REV3L: variants seen among roughly 807,000 people sequenced by gnomAD.
The protein encoded by REV3L is DNA polymerase zeta catalytic subunit.
In REV3L, 69 loss-of-function variants were observed where a neutral mutation model predicts 299.4. The ratio of observed to expected loss-of-function variants is 0.23; its 90% CI spans 0.19 to 0.28. The LOEUF is 0.28. Among genes scored for constraint, REV3L ranks in the 10% least tolerant of loss-of-function variants. The pLI is 1.00. For missense variants in REV3L, 3,128 were observed against 3,693.8 expected (o/e 0.85, Z 3.97); for synonymous variants, 1,238 against 1,271.4 (o/e 0.97, Z 0.56).
chr6:111,362,798 C>T (rs1481920953), intron 16 of REV3L, among the ~76,000 whole-genome samples: 1 of 152,086 alleles, frequency 6.6e-6, no homozygotes, highest in Non-Finnish European at 1.5e-5. Context: ...AATAGTATTA[C>T]ATACCTAAGT....
chr6:111,455,677 A>G (rs896020264), intron 1 of REV3L, among the ~76,000 whole-genome samples: 10 of 152,240 alleles, frequency 6.6e-5, no homozygotes, highest in Non-Finnish European at 1.3e-4. Flanking sequence ...GAAAGTCCAC[A>G]AACTACATGT....
chr6:111,451,736 C>T (rs1259947105), intron 1 of REV3L, among the ~76,000 whole-genome samples: 1 of 151,814 alleles, frequency 6.6e-6, no homozygotes, highest in African/African-American at 2.4e-5. Flanking sequence ...AGAAATCAAA[C>T]CACAATCTGG....
chr6:111,325,188 T>C (rs1162473293), intron 25 of REV3L, among the ~76,000 whole-genome samples: 1 of 152,190 alleles, frequency 6.6e-6, no homozygotes, highest in Non-Finnish European at 1.5e-5. Context: ...AACAAATGTT[T>C]TAAGTAAAAA....
intron 1 of REV3L, among the ~76,000 whole-genome samples, chr6:111,470,629 A>AG (rs762826603): frequency 6.6e-6 from 1 of 152,218 alleles, no homozygotes; most frequent in Non-Finnish European, 1.5e-5. Flanking sequence ...TTATCAACTA[A>AG]GGTGTGAGAC....
chr6:111,472,003 A>C (rs1792278244), intron 1 of REV3L: 8 of 1,197,954 alleles, frequency 6.7e-6, no homozygotes, highest in Non-Finnish European at 8.5e-6. Context: ...AACCAAAATA[A>C]ATTACTTACT....
At chr6:111,479,180 C>T (rs1793308159) in intron 1 of REV3L, among the ~76,000 whole-genome samples, 1 of 152,188 alleles carries the variant, frequency 6.6e-6, no homozygotes, top group African/African-American at 2.4e-5. Context: ...CACCTATATT[C>T]AAATCTAAAT....
At chr6:111,482,603 G>A (rs766651333) in intron 1 of REV3L, 147 bp downstream of exon 1, 4 of 336,602 alleles carry the variant, frequency 1.2e-5, no homozygotes, top group Admixed American at 1.2e-4. Context: ...CGAGAGAAAA[G>A]GCGAGGAGGG....
At chr6:111,384,775 C>T (rs949986778) in intron 9 of REV3L, among the ~76,000 whole-genome samples, 21 of 151,990 alleles carry the variant, frequency 1.4e-4, no homozygotes, top group African/African-American at 4.6e-4. Context: ...ATTGGTATGT[C>T]GAGTTGAAGA....
chr6:111,353,497 A>G (rs1284299423), intron 18 of REV3L, among the ~76,000 whole-genome samples: 2 of 152,212 alleles, frequency 1.3e-5, no homozygotes, highest in African/African-American at 2.4e-5. Flanking sequence ...ATTCTGTAGT[A>G]TAAATTTTAA....
intron 31 of REV3L, among the ~76,000 whole-genome samples, chr6:111,304,729 A>G (rs1474436523): frequency 1.3e-5 from 2 of 150,640 alleles, no homozygotes; most frequent in Non-Finnish European, 1.5e-5. Context: ...TAAATGTAGT[A>G]TCTGACAGGT....
At position 111,482,820 on chromosome 6, in the gene REV3L, G is replaced by T; in HGVS notation, c.69C>A (p.Cys23Ter). Residue 23 changes from cysteine to a stop codon, truncating the protein, a stop_gained, in exon 1 of 32, where the codon TGC becomes TGA. Coordinates refer to ENST00000368802, the MANE Select transcript of REV3L (RefSeq NM_001372078.1). LOFTEE classifies it high-confidence loss of function. ...CAGGGGCCTGGGTGAGGGGGGATTG[G>T]CAGGTATCCAGCCCCTGCAGCGGGC... is the stretch of plus-strand genomic sequence containing the variant. ...MASPLQGLDT[C>*]QSPLTQAPVK... The T allele has an allele frequency of 6.6e-7, 1 of 1,506,336 alleles. No individual in the cohort carries two copies. The highest frequency in any genetic ancestry group is 8.8e-7 in the Non-Finnish European group (1 of 1,132,732). The allele number at this position is 1,506,336 out of a possible 1,614,324, so 93.3% of individuals were successfully genotyped here.
chr6:111,390,302 C>T, intron 5 of REV3L, 122 bp from the exon 6 acceptor site: 1 of 624,264 alleles, frequency 1.6e-6, no homozygotes, highest in South Asian at 2.0e-5. Flanking sequence ...TATTAATTCA[C>T]AATTATTCTG....
intron 1 of REV3L, among the ~76,000 whole-genome samples, chr6:111,466,240 C>T (rs1791499919): frequency 1.3e-5 from 2 of 152,110 alleles, no homozygotes; most frequent in South Asian, 4.1e-4. Flanking sequence ...TTGAAAAGCA[C>T]TGTGATAAAA....
intron 1 of REV3L, among the ~76,000 whole-genome samples, chr6:111,441,809 T>C (rs553391613): frequency 6.6e-6 from 1 of 152,344 alleles, no homozygotes; most frequent in Admixed American, 6.5e-5. Context: ...GCCTTGCAGT[T>C]CTTTCAGCTG....
chr6:111,370,285 A>G (rs459147), intron 13 of REV3L, among the ~76,000 whole-genome samples: 102,344 of 152,100 alleles, frequency 0.67, 36,608 homozygotes, highest in Non-Finnish European at 0.81. Context: ...AATCACTACT[A>G]ATAACACCAA....
At chr6:111,400,927 T>A (rs1369326049) in intron 4 of REV3L, among the ~76,000 whole-genome samples, 1 of 152,216 alleles carries the variant, frequency 6.6e-6, no homozygotes, top group African/African-American at 2.4e-5. Context: ...TACAAAAATA[T>A]GTTCTTTTAT....
At position 111,437,934 on chromosome 6, in the gene REV3L, G is replaced by C. The variant is rs1476400487; in HGVS notation, c.140-21462C>G. 1.3e-4 allele frequency among the ~76,000 whole-genome samples: 20 copies of C among 152,008 alleles called. 1 individual carries two copies. The highest frequency in any genetic ancestry group is 1.2e-3 in the Admixed American group (19 of 15,262). On this transcript the variant is annotated intron_variant, in intron 1 of 31. Coordinates refer to ENST00000368802, the MANE Select transcript of REV3L (RefSeq NM_001372078.1). The stretch of plus-strand genomic sequence containing the variant: ...AGTGGCAGGATCACAGTTCACTGCA[G>C]GTCTGACCACCTGGCTCTAGTGATC...
intron 21 of REV3L, among the ~76,000 whole-genome samples, chr6:111,342,233 G>A (rs1452276247): frequency 6.6e-6 from 1 of 152,154 alleles, no homozygotes; most frequent in African/African-American, 2.4e-5. Context: ...CAGTATCACT[G>A]AGAAAGGAGT....
intron 4 of REV3L, among the ~76,000 whole-genome samples, chr6:111,402,882 C>T (rs1000911105): frequency 2.0e-5 from 3 of 152,140 alleles, no homozygotes; most frequent in African/African-American, 4.8e-5. Context: ...GATGCTAAAA[C>T]ACTTGACACA....
Sources: allele counts gnomAD v4.1 joint callset (sites outside exome capture counted in the v4.1 genomes callset), GRCh38; gene constraint gnomAD v4.1.1; transcripts MANE v1.5; gene names NCBI Gene and HGNC (gene_info 2026-07-23, HGNC 2026-07-21).